Variants in PLA2G4A observed in about 807,000 individuals in gnomAD.
PLA2G4A encodes the protein phospholipase A2 group IVA.
PLA2G4A carries 40 observed loss-of-function variants against 81.9 expected under a neutral mutation model. The observed-to-expected ratio is 0.49, with a 90% confidence interval of 0.38 to 0.64. The LOEUF (loss-of-function observed/expected upper bound fraction) is 0.64. Ranked by LOEUF, PLA2G4A falls within the 30% of genes least tolerant of loss-of-function variation. The pLI, the probability that PLA2G4A is intolerant of heterozygous loss-of-function variation, is 0.00. For missense variants in PLA2G4A, 715 were observed against 905.1 expected (o/e 0.79, Z 2.69); for synonymous variants, 302 against 296.9 (o/e 1.02, Z -0.18).
At chr1:186,876,882 CA>C (rs1653520233) in intron 3 of PLA2G4A, among the ~76,000 whole-genome samples, 2 of 152,036 alleles carry the variant, frequency 1.3e-5, no homozygotes, top group African/African-American at 4.8e-5. Context: ...TTTATCTCTC[CA>C]ATGTTGCAGC....
intron 7 of PLA2G4A, among the ~76,000 whole-genome samples, chr1:186,923,615 AGGG>A (rs1655441304): frequency 6.6e-6 from 1 of 152,240 alleles, no homozygotes; most frequent in African/African-American, 2.4e-5. Context: ...GTGTGAACTG[AGGG>A]ATGCAAGTGA....
Position 186,950,563 on chromosome 1 carries a change from C to T in PLA2G4A, c.1265-94C>T, listed in dbSNP as rs1227710197. The T allele has an allele frequency of 4.3e-6, 3 of 705,090 alleles. No homozygotes were observed. The South Asian group carries it at 4.5e-5, about 11-fold the overall frequency. The allele number at this position is 705,090 out of a possible 1,614,324, so 43.7% of individuals were successfully genotyped here. On this transcript the variant is annotated intron_variant, in intron 12 of 17. Coordinates refer to ENST00000367466, the MANE Select transcript of PLA2G4A (RefSeq NM_024420.3). The stretch of plus-strand genomic sequence containing the variant: ...ATACTAGTAGAGCTAGTAGATCTCA[C>T]TCTGTGGTTTTGCTCAGATTACTTT...
At chr1:186,885,840 A>G (rs940191612) in intron 3 of PLA2G4A, among the ~76,000 whole-genome samples, 3 of 152,178 alleles carry the variant, frequency 2.0e-5, no homozygotes, top group Non-Finnish European at 4.4e-5. Flanking sequence ...ATAAGTCTAT[A>G]GAAAATATCC....
At chr1:186,915,019 G>A (rs1329014914) in intron 7 of PLA2G4A, among the ~76,000 whole-genome samples, 4 of 152,260 alleles carry the variant, frequency 2.6e-5, no homozygotes, top group East Asian at 3.9e-4. Flanking sequence ...GCAAACAAGG[G>A]AGCAGTAAGC....
At chr1:186,857,802 T>G (rs1040548325) in intron 2 of PLA2G4A, among the ~76,000 whole-genome samples, 19 of 151,940 alleles carry the variant, frequency 1.3e-4, no homozygotes, top group Admixed American at 4.0e-4. Flanking sequence ...CCGCTCTGTG[T>G]CCAAGTGATC....
intron 1 of PLA2G4A, among the ~76,000 whole-genome samples, chr1:186,837,561 G>A (rs1410327993): frequency 6.9e-6 from 1 of 144,458 alleles, no homozygotes; most frequent in South Asian, 2.1e-4. Flanking sequence ...AACCCCATCT[G>A]TACTAAAAAA....
In PLA2G4A at chr1:186,874,627, G is replaced by A. The variant is rs557101358; in HGVS notation, c.115+4111G>A. ...TAAACTCTTTTTCTTTACAGAATTA[G>A]CATCATAAACATTAGAGCTTCCAAG... On this transcript the variant is annotated intron_variant, in intron 3 of 17. Coordinates refer to ENST00000367466, the MANE Select transcript of PLA2G4A (RefSeq NM_024420.3). 1.7e-3 allele frequency among the ~76,000 whole-genome samples: 258 copies of A among 152,078 alleles called. 2 individuals are homozygous for A. Among genetic ancestry groups the A allele is most frequent in the African/African-American group, 6.0e-3 (250 of 41,514 alleles).
intron 7 of PLA2G4A, among the ~76,000 whole-genome samples, chr1:186,919,150 G>T (rs1655255252): frequency 6.6e-6 from 1 of 152,206 alleles, no homozygotes; most frequent in Non-Finnish European, 1.5e-5. Flanking sequence ...CAAAAGGCTT[G>T]CTGTTGTAGA....
At chr1:186,914,281 T>C (rs899891835) in intron 7 of PLA2G4A, among the ~76,000 whole-genome samples, 1 of 152,028 alleles carries the variant, frequency 6.6e-6, no homozygotes, top group Admixed American at 6.6e-5. Flanking sequence ...TTTTTTTCTT[T>C]CTAGAGATGG....
intron 4 of PLA2G4A, among the ~76,000 whole-genome samples, chr1:186,893,785 G>A (rs374210036): frequency 3.3e-5 from 5 of 151,872 alleles, no homozygotes; most frequent in African/African-American, 9.7e-5. Context: ...TTTGCTGGAT[G>A]TGGTGGCGCT....
intron 7 of PLA2G4A, among the ~76,000 whole-genome samples, chr1:186,922,120 G>C (rs1655373956): frequency 6.6e-6 from 1 of 152,072 alleles, no homozygotes; most frequent in African/African-American, 2.4e-5. Context: ...CTTTGTGCCT[G>C]ACCTGTGTTT....
At chr1:186,892,910 AC>A in intron 3 of PLA2G4A, 100 bp from the exon 4 acceptor site, 2 of 838,146 alleles carry the variant, frequency 2.4e-6, no homozygotes, top group Non-Finnish European at 4.1e-6. Flanking sequence ...ATACATCACT[AC>A]AGATTCATTG....
At chr1:186,918,215 G>A (rs1233256150) in intron 7 of PLA2G4A, among the ~76,000 whole-genome samples, 1 of 152,168 alleles carries the variant, frequency 6.6e-6, no homozygotes, top group African/African-American at 2.4e-5. Flanking sequence ...TCTGAATCAG[G>A]TCGAGAGTTT....
intron 1 of PLA2G4A, among the ~76,000 whole-genome samples, chr1:186,851,841 G>A (rs1652384195): frequency 6.6e-6 from 1 of 151,934 alleles, no homozygotes; most frequent in African/African-American, 2.4e-5. Context: ...ATAGTAAATG[G>A]ATAATCATGT....
At chr1:186,849,926 G>T (rs1037845916) in intron 1 of PLA2G4A, among the ~76,000 whole-genome samples, 1 of 152,106 alleles carries the variant, frequency 6.6e-6, no homozygotes, top group Middle Eastern at 3.2e-3. Context: ...GAAGAGGTAA[G>T]TTACAGCCCT....
chr1:186,855,091 T>C (rs532487832), intron 2 of PLA2G4A, among the ~76,000 whole-genome samples: 1 of 152,144 alleles, frequency 6.6e-6, no homozygotes, highest in Non-Finnish European at 1.5e-5. Context: ...TATCATCCTC[T>C]TTCTTGCCCT....
chr1:186,979,239 A>G, intron 16 of PLA2G4A, 76 bp from the exon 17 acceptor site: 1 of 1,074,486 alleles, frequency 9.3e-7, no homozygotes, highest in Non-Finnish European at 1.4e-6. Context: ...TTATGTCTGT[A>G]TGTTTTATTC....
intron 5 of PLA2G4A, among the ~76,000 whole-genome samples, chr1:186,903,009 G>A (rs1418312581): frequency 6.6e-6 from 1 of 152,030 alleles, no homozygotes; most frequent in African/African-American, 2.4e-5. Flanking sequence ...TTTCTGCTTT[G>A]CACTTGGATT....
intron 2 of PLA2G4A, among the ~76,000 whole-genome samples, chr1:186,859,963 TG>T (rs1166636115): frequency 6.6e-6 from 1 of 152,150 alleles, no homozygotes; most frequent in Non-Finnish European, 1.5e-5. Context: ...GATGATGAGA[TG>T]TCGCTACTAG....
Sources: allele counts gnomAD v4.1 joint callset (sites outside exome capture counted in the v4.1 genomes callset), GRCh38; gene constraint gnomAD v4.1.1; transcripts MANE v1.5; gene names NCBI Gene and HGNC (gene_info 2026-07-23, HGNC 2026-07-21).